Variants in MYO3B observed in about 807,000 individuals in gnomAD.
The protein encoded by MYO3B is myosin-IIIb.
Under a neutral mutation model 174.6 loss-of-function variants are expected in MYO3B, and 156 were observed. The ratio of observed to expected loss-of-function variants is 0.89; its 90% CI spans 0.78 to 1.02. MYO3B has a LOEUF of 1.02. MYO3B is among the 50% of genes least tolerant of loss of function. The pLI, the probability that MYO3B is intolerant of heterozygous loss-of-function variation, is 0.00. For missense variants in MYO3B, 1,632 were observed against 1,639.4 expected, an observed-to-expected ratio of 1.00 and a Z score of 0.08; for synonymous variants, 563 against 569.1, an observed-to-expected ratio of 0.99 and a Z score of 0.15.
chr2:170,265,381 G>T (rs2093375565), intron 7 of MYO3B, among the ~76,000 whole-genome samples: 1 of 152,206 alleles, frequency 6.6e-6, no homozygotes, highest in African/African-American at 2.4e-5. Flanking sequence ...AAGTAATTGT[G>T]ATAAAAACCT....
In MYO3B at chr2:170,531,097, A is replaced by G. The variant is rs370779844; in HGVS notation, c.3575+11557A>G. 1.4e-4 allele frequency among the ~76,000 whole-genome samples: 21 copies of G among 152,318 alleles called. 1 individual carries two copies. In the East Asian group the frequency reaches 3.5e-3, roughly 25 times the overall value. On this transcript the variant is annotated intron_variant, in intron 30 of 34. Coordinates refer to ENST00000408978, the MANE Select transcript of MYO3B (RefSeq NM_138995.5). ...CCTTTCTGGATCTGTGTCTGCTGAC[A>G]TTGACACAGATGATCTCTTTCTTTA...
In MYO3B at chr2:170,618,910, G is replaced by A. The variant is rs1287267018; in HGVS notation, c.3734-32718G>A. Among the ~76,000 whole-genome samples the A allele has an allele frequency of 7.2e-5, 11 of 152,212 alleles. No individual in the cohort carries two copies. In the East Asian group the frequency reaches 2.1e-3, roughly 29 times the overall value. On this transcript the variant is annotated intron_variant, in intron 32 of 34. Transcript: ENST00000408978. ...AATTTACAATATAGTGTGTGCGTCA[G>A]TAATTTCTAACAGAGCCTTAAAACA...
chr2:170,634,348 A>G (rs1167708502), intron 32 of MYO3B, among the ~76,000 whole-genome samples: 1 of 152,206 alleles, frequency 6.6e-6, no homozygotes, highest in Non-Finnish European at 1.5e-5. Flanking sequence ...GATAAACCTA[A>G]CAAAAAACAA....
chr2:170,402,659 A>G (rs1050076235), intron 18 of MYO3B, among the ~76,000 whole-genome samples, 189 bp from the exon 19 acceptor site: 6 of 152,170 alleles, frequency 3.9e-5, no homozygotes, highest in Non-Finnish European at 5.9e-5. Context: ...TGAAAATACT[A>G]TTGAAAGGCC....
intron 32 of MYO3B, among the ~76,000 whole-genome samples, chr2:170,602,741 C>T (rs3944015): frequency 2.0e-5 from 3 of 152,138 alleles, no homozygotes; most frequent in African/African-American, 2.4e-5. Context: ...CAGCGTCTCC[C>T]CAGAGCCCAT....
At chr2:170,604,265 T>C (rs1353386349) in intron 32 of MYO3B, among the ~76,000 whole-genome samples, 1 of 152,232 alleles carries the variant, frequency 6.6e-6, no homozygotes, top group Non-Finnish European at 1.5e-5. Flanking sequence ...GGTTTTGTTT[T>C]TATTTTTATT....
chr2:170,311,006 C>A (rs10432466), intron 7 of MYO3B, among the ~76,000 whole-genome samples: 1 of 152,104 alleles, frequency 6.6e-6, no homozygotes, highest in Admixed American at 6.5e-5. Context: ...CAGATGGTTG[C>A]GGGGCCTTAG....
intron 32 of MYO3B, among the ~76,000 whole-genome samples, chr2:170,593,375 T>A (rs1693943067): frequency 6.6e-6 from 1 of 152,172 alleles, no homozygotes; most frequent in Non-Finnish European, 1.5e-5. Context: ...AGTGCTGGGG[T>A]TGCAGGCATG....
intron 32 of MYO3B, among the ~76,000 whole-genome samples, chr2:170,585,970 G>GAA (rs1693475926): frequency 6.6e-6 from 1 of 152,110 alleles, no homozygotes; most frequent in African/African-American, 2.4e-5. Context: ...AGGCAGGCCA[G>GAA]GGGGAGGTTG....
chr2:170,311,226 C>T (rs1349903456), intron 7 of MYO3B, among the ~76,000 whole-genome samples: 2 of 152,152 alleles, frequency 1.3e-5, no homozygotes, highest in Non-Finnish European at 2.9e-5. Context: ...CACCATTTTA[C>T]ATCCCTACCA....
At chr2:170,639,931 G>T (rs991280039) in intron 32 of MYO3B, among the ~76,000 whole-genome samples, 31 of 152,206 alleles carry the variant, frequency 2.0e-4, no homozygotes, top group Middle Eastern at 3.2e-3. Context: ...CAAGCCATTT[G>T]ATGCAGCTTC....
rs10168181 is a variant in MYO3B at position 170,383,740 on chromosome 2, G to A, written c.1216G>A (p.Ala406Thr). The A allele has an allele frequency of 5.3e-3, 8,492 of 1,613,530 alleles. 356 individuals are homozygous for A. In the African/African-American group the frequency reaches 0.097, roughly 18 times the overall value. The change falls in exon 12 of 35, where the codon GCC (alanine) becomes ACC (threonine). Residue 406 changes from alanine to threonine, a missense_variant. Coordinates refer to ENST00000408978, the MANE Select transcript of MYO3B (RefSeq NM_138995.5). ...FSRLYHGVKRASNPPHIFASA... is the reference protein window; with the variant it reads ...FSRLYHGVKRTSNPPHIFASA... ...CAGACTTTATCATGGGGTGAAACGC[G>A]CCTCCAATCCCCCCCACATATTTGC... is the stretch of plus-strand genomic sequence containing the variant.
intron 30 of MYO3B, among the ~76,000 whole-genome samples, chr2:170,534,280 T>C (rs748024130): frequency 1.3e-5 from 2 of 152,184 alleles, no homozygotes; most frequent in South Asian, 2.1e-4. Flanking sequence ...GCACACTTAA[T>C]AGATAATAGT....
At chr2:170,445,374 T>C (rs544214996) in intron 23 of MYO3B, among the ~76,000 whole-genome samples, 1 of 152,036 alleles carries the variant, frequency 6.6e-6, no homozygotes, top group South Asian at 2.1e-4. Flanking sequence ...AGAGTTTCAC[T>C]CTTGTTGCCC....
At chr2:170,221,483 C>T (rs893443698) in intron 6 of MYO3B, among the ~76,000 whole-genome samples, 3 of 152,174 alleles carry the variant, frequency 2.0e-5, no homozygotes, top group East Asian at 3.9e-4. Context: ...TCAAGACACA[C>T]AGTTCACTGG....
chr2:170,351,069 G>GAGGA (rs561687145), intron 8 of MYO3B: 1 of 152,028 alleles, frequency 6.6e-6, no homozygotes, highest in African/African-American at 2.4e-5. Context: ...GGCAGGGAGG[G>GAGGA]AGGAAGGCAG....
chr2:170,403,655 G>A (rs1287804242), intron 19 of MYO3B, among the ~76,000 whole-genome samples: 4 of 152,126 alleles, frequency 2.6e-5, no homozygotes, highest in African/African-American at 2.4e-5. Flanking sequence ...AAGCCTCTTC[G>A]ATGCAGGGAT....
At chr2:170,625,437 T>G (rs1394036478) in intron 32 of MYO3B, among the ~76,000 whole-genome samples, 1 of 152,218 alleles carries the variant, frequency 6.6e-6, no homozygotes, top group Non-Finnish European at 1.5e-5. Flanking sequence ...TCTATTTGAT[T>G]CTTCTCTCTT....
rs750687899 is a variant in MYO3B, at chr2:170,367,220, G to A, written c.816-2002G>A. On this transcript the variant is annotated intron_variant, in intron 8 of 34. Coordinates refer to ENST00000408978, the MANE Select transcript of MYO3B (RefSeq NM_138995.5). Reference sequence around the variant, plus strand: ...GAGCATTTCCTGGTAGTCAGATGACGCTTCAACAATTAACACAGGAAGAAA... The same window carrying A: ...GAGCATTTCCTGGTAGTCAGATGACACTTCAACAATTAACACAGGAAGAAA... Among the ~76,000 whole-genome samples, 38 of 152,174 alleles carry A rather than the reference G, an allele frequency of 2.5e-4. 1 individual carries two copies. Among genetic ancestry groups the A allele is most frequent in the Non-Finnish European group, 5.1e-4 (35 of 68,040 alleles).
Sources: gnomAD v4.1 joint callset for allele counts (sites outside exome capture counted in the v4.1 genomes callset) on GRCh38, gnomAD v4.1.1 for gene constraint, MANE v1.5 for transcripts, NCBI Gene and HGNC (gene_info 2026-07-23, HGNC 2026-07-21) for gene names.